WDR83: variants seen among roughly 807,000 people sequenced by gnomAD.
The protein encoded by WDR83 is WD repeat domain 83, also known as WD repeat domain-containing protein 83.
A neutral mutation model predicts 37.7 loss-of-function variants in WDR83; 37 were observed. That is an observed-to-expected ratio of 0.98 (90% CI 0.76 to 1.29). WDR83 has a LOEUF of 1.29. Among genes scored for constraint, WDR83 ranks in the 50% most tolerant of loss-of-function variants. The pLI, the probability that WDR83 is intolerant of heterozygous loss-of-function variation, is 0.00. For synonymous variants in WDR83, 174 were observed against 181.1 expected, an observed-to-expected ratio of 0.96 and a Z score of 0.31; for missense variants, 445 against 414.4, an observed-to-expected ratio of 1.07 and a Z score of -0.64.
intron 3 of WDR83, 25 bp from the exon 4 acceptor site, chr19:12,669,952 G>A: frequency 1.2e-6 from 2 of 1,604,076 alleles, no homozygotes; most frequent in South Asian, 2.2e-5. Flanking sequence ...CGACGGCCCA[G>A]TAACCCCCGC....
In WDR83 at chr19:12,670,111, CAGGCTGGGATGGGAGCGCTG is replaced by C. The variant is rs1470255491; in HGVS notation, c.224+25_225-39del. 1.9e-6 allele frequency: 3 copies of C among 1,608,610 alleles called. No homozygotes were observed. Among genetic ancestry groups the C allele is most frequent in the East Asian group, 4.5e-5 (2 of 44,746 alleles). On this transcript the variant is annotated intron_variant, in intron 4 of 10. Coordinates refer to ENST00000418543, the MANE Select transcript of WDR83 (RefSeq NM_001099737.3). ...GGATGCGGCCGGGTGAGCCGGGGAC[CAGGCTGGGATGGGAGCGCTG>C]AGGCTGGGATCCGAGGTCGATGCTG...
chr19:12,670,313 T>G (rs1233502962), intron 5 of WDR83, 28 bp downstream of exon 5: 1 of 1,608,446 alleles, frequency 6.2e-7, no homozygotes, highest in African/African-American at 1.3e-5. Flanking sequence ...GACCCTCATT[T>G]GAGTGGAGGG....
rs757730380 is a variant in WDR83, at chr19:12,670,829, G to A, written c.506+8G>A. On this transcript the variant is annotated splice_region_variant and intron_variant, in intron 7 of 10. Transcript: ENST00000418543. ...CCACGAGATCCTGGCAGGGTGAGTG[G>A]AGCCAGGACCTGGTCTCACCCCAGG... 26 of 1,610,780 alleles carry A rather than the reference G, an allele frequency of 1.6e-5. No homozygotes were observed. The highest frequency in any genetic ancestry group is 2.7e-5 in the African/African-American group (2 of 74,832).
In WDR83 at chr19:12,672,777, G is replaced by A. The variant is rs145479744; in HGVS notation, c.507-70G>A. On this transcript the variant is annotated intron_variant, in intron 7 of 10. Coordinates refer to ENST00000418543, the MANE Select transcript of WDR83 (RefSeq NM_001099737.3). ...TGGAAGAGCAGGCCCACTGGGCTGG[G>A]AAGGCACAGGGCTGCCTGGAGCCAT... 2,416 of 1,492,346 alleles carry A rather than the reference G, an allele frequency of 1.6e-3. 5 individuals carry two copies. The highest frequency in any genetic ancestry group is 1.9e-3 in the Non-Finnish European group (2,032 of 1,095,458). The allele number at this position is 1,492,346 out of a possible 1,614,324, so 92.4% of individuals were successfully genotyped here. A position where few individuals can be genotyped will look rare whatever the true frequency, so the allele number is the denominator to read the frequency against.
chr19:12,669,654 A>C, intron 2 of WDR83, 101 bp from the exon 3 acceptor site: 4 of 1,055,220 alleles, frequency 3.8e-6, no homozygotes, highest in Non-Finnish European at 5.4e-6. Context: ...GAAATGCCAA[A>C]ATGATGAACC....
intron 10 of WDR83, 92 bp downstream of exon 10, chr19:12,673,408 A>ATT: frequency 1.5e-5 from 4 of 265,958 alleles, no homozygotes; most frequent in South Asian, 3.1e-5. Context: ...GAAGGCTAGG[A>ATT]TCTTTTTTTT....
In WDR83 at chr19:12,669,861, G is replaced by A. The variant is rs1340264105; in HGVS notation, c.71G>A (p.Gly24Glu). The stretch of plus-strand genomic sequence containing the variant: ...AAACGGTTGAAGACGCTGGACTGCG[G>A]GCAGGGGGCAGTGCGAGCCGTACGA... The part of the protein sequence containing the change: ...PQKRLKTLDC[G>E]QGAVRAVRFN... Residue 24 changes from glycine to glutamate, a missense_variant, in exon 3 of 11, where the codon GGG (glycine) becomes GAG (glutamate). Coordinates refer to ENST00000418543, the MANE Select transcript of WDR83 (RefSeq NM_001099737.3). 2 of 1,611,888 alleles carry A rather than the reference G, an allele frequency of 1.2e-6. No homozygotes were observed.
chr19:12,670,531 C>T, intron 5 of WDR83, 32 bp from the exon 6 acceptor site: 1 of 1,614,130 alleles, frequency 6.2e-7, no homozygotes, highest in Non-Finnish European at 8.5e-7. Context: ...CTCCAAAGTC[C>T]AGCCTCCTCT....
chr19:12,671,782 C>CT (rs1477803560), intron 7 of WDR83, among the ~76,000 whole-genome samples: 9 of 152,194 alleles, frequency 5.9e-5, no homozygotes, highest in Non-Finnish European at 1.3e-4. Flanking sequence ...ACTGCAACCT[C>CT]TAACTTCTAG....
In WDR83 at chr19:12,673,310, G is replaced by C; in HGVS notation, c.792G>C (p.Leu264=). 6.2e-7 allele frequency: 1 copy of C among 1,613,568 alleles called. No homozygotes were observed. The highest frequency in any genetic ancestry group is 8.5e-7 in the Non-Finnish European group (1 of 1,179,728). ...ACGGGAAGGTGTTCTTCTGGGACCT[G>C]GTGGAGGTGAGGTGCCCCCAGCCCT... ...SEDGKVFFWD[L]VEGALALALP... The change falls in exon 10 of 11, where the codon CTG becomes CTC. Residue 264 remains leucine, a synonymous_variant. Coordinates refer to ENST00000418543, the MANE Select transcript of WDR83 (RefSeq NM_001099737.3).
intron 10 of WDR83, 95 bp downstream of exon 10, chr19:12,673,411 T>TA (rs1491207660): frequency 1.1e-5 from 1 of 92,834 alleles, no homozygotes; most frequent in Non-Finnish European, 1.9e-5. Context: ...GGCTAGGATC[T>TA]TTTTTTTTTT....
At chr19:12,667,811 G>A (rs773922128) in intron 1 of WDR83, among the ~76,000 whole-genome samples, 1 of 151,028 alleles carries the variant, frequency 6.6e-6, no homozygotes, top group Non-Finnish European at 1.5e-5. Context: ...GACAGATCAA[G>A]ACCATTTTCT....
intron 5 of WDR83, 134 bp downstream of exon 5, chr19:12,670,419 T>G (rs2024377641): frequency 6.6e-7 from 1 of 1,504,692 alleles, no homozygotes. Context: ...CATGCCAGGC[T>G]AGGCAGTCAC....
chr19:12,670,573 C>T lies in WDR83; in HGVS notation c.341C>T (p.Thr114Met). 6.2e-7 allele frequency: 1 copy of T among 1,614,224 alleles called. No homozygotes were observed. The highest frequency in any genetic ancestry group is 1.1e-5 in the South Asian group (1 of 91,086). ...KFRGHAGKVNTVQFNEEATVI... is the reference protein window; with the variant it reads ...KFRGHAGKVNMVQFNEEATVI... ...CAATAACTTTCTCAGAAGGTGAACACGGTGCAGTTTAATGAAGAGGCCACA... is the reference window on the plus strand; with the variant it reads ...CAATAACTTTCTCAGAAGGTGAACATGGTGCAGTTTAATGAAGAGGCCACA... The change falls in exon 6 of 11, where the codon ACG becomes ATG. Residue 114 changes from threonine to methionine, a missense_variant. By Grantham distance (81) the Thr-to-Met change is moderately conservative. Coordinates refer to ENST00000418543, the MANE Select transcript of WDR83 (RefSeq NM_001099737.3).
In WDR83 at chr19:12,670,224, C is replaced by T. The variant is rs747004909; in HGVS notation, c.269C>T (p.Ala90Val). 3.1e-6 allele frequency: 5 copies of T among 1,614,116 alleles called. No individual in the cohort carries two copies. In the African/African-American group the frequency reaches 5.3e-5, roughly 17 times the overall value. ...CTCTGCTCCGGCGGCGGGGACAAGGCGGTGGTTCTGTGGGATGTGGCATCA... is the reference window on the plus strand; with the variant it reads ...CTCTGCTCCGGCGGCGGGGACAAGGTGGTGGTTCTGTGGGATGTGGCATCA... ...SSLCSGGGDK[A>V]VVLWDVASGQ... The change falls in exon 5 of 11, where the codon GCG becomes GTG. Residue 90 changes from alanine (A) to valine (V), a missense_variant. Transcript: ENST00000418543.
Position 12,669,704 on chromosome 19 carries a change from A to G in WDR83, c.-36-51A>G. The G allele has an allele frequency of 3.7e-6, 5 of 1,359,462 alleles. No individual in the cohort carries two copies. In the South Asian group the frequency reaches 7.0e-5, roughly 19 times the overall value. The allele number at this position is 1,359,462 out of a possible 1,614,324, so 84.2% of individuals were successfully genotyped here. A position where few individuals can be genotyped will look rare whatever the true frequency, so the allele number is the denominator to read the frequency against. ...AGGAAGTAGGTCAGGAAGAACAATA[A>G]TAAGGTTACACCCAAGCGTGGGTTT... On this transcript the variant is annotated intron_variant, in intron 2 of 10. Transcript: ENST00000418543.
Position 12,666,810 on chromosome 19 carries a change from G to C in WDR83, c.-339G>C, listed in dbSNP as rs1225114827. 8.8e-7 allele frequency: 1 copy of C among 1,132,538 alleles called. No individual in the cohort carries two copies. The highest frequency in any genetic ancestry group is 2.8e-5 in the Admixed American group (1 of 35,588). The allele number at this position is 1,132,538 out of a possible 1,614,324, so 70.2% of individuals were successfully genotyped here. A position where few individuals can be genotyped will look rare whatever the true frequency, so the allele number is the denominator to read the frequency against. On this transcript the variant is annotated 5_prime_UTR_variant, in exon 1 of 11. Transcript: ENST00000418543. ...GGGTGGGGGGCGGGGCCAGGGCGCG[G>C]TCTGGAGGCTCACGGGAGAGAGGCT...
At position 12,666,825 on chromosome 19, in the gene WDR83, GGA is replaced by G. The variant is rs754109473; in HGVS notation, c.-318_-317del. On this transcript the variant is annotated 5_prime_UTR_variant, in exon 1 of 11. Transcript: ENST00000418543. ...CCAGGGCGCGGTCTGGAGGCTCACGGGAGAGAGGCTGTAGCCCTGGGCAATCC... is the reference window on the plus strand; with the variant it reads ...CCAGGGCGCGGTCTGGAGGCTCACGGGAGAGGCTGTAGCCCTGGGCAATCC... 19 of 951,770 alleles carry G rather than the reference GGA, an allele frequency of 2.0e-5. No homozygotes were observed. The highest frequency in any genetic ancestry group is 8.6e-5 in the Admixed American group (3 of 34,906). The allele number at this position is 951,770 out of a possible 1,614,324, so 59.0% of individuals were successfully genotyped here. A position where few individuals can be genotyped will look rare whatever the true frequency, so the allele number is the denominator to read the frequency against.
chr19:12,674,741 T>C (rs1413499853), intron 10 of WDR83, among the ~76,000 whole-genome samples: 1 of 152,072 alleles, frequency 6.6e-6, no homozygotes, highest in Non-Finnish European at 1.5e-5. Context: ...AACATGGTAG[T>C]GGCAGAAAAT....
Sources: allele counts gnomAD v4.1 joint callset (sites outside exome capture counted in the v4.1 genomes callset), GRCh38; gene constraint gnomAD v4.1.1; transcripts MANE v1.5; gene names NCBI Gene and HGNC (gene_info 2026-07-23, HGNC 2026-07-21).